Variants in DNAJC12 observed in about 807,000 individuals in gnomAD.
The protein encoded by DNAJC12 is DnaJ heat shock protein family (Hsp40) member C12, also known as dnaJ homolog subfamily C member 12.
In DNAJC12, 25 loss-of-function variants were observed where a neutral mutation model predicts 28.5. The observed-to-expected ratio is 0.88, with a 90% CI of 0.64 to 1.22. The LOEUF is 1.22. DNAJC12 is among the 50% of genes most tolerant of loss of function. DNAJC12 has a pLI of 0.00. For missense variants in DNAJC12, 222 were observed against 231.7 expected, an observed-to-expected ratio of 0.96 and a Z score of 0.27; for synonymous variants, 77 against 80.6, an observed-to-expected ratio of 0.95 and a Z score of 0.24.
intron 4 of DNAJC12, among the ~76,000 whole-genome samples, chr10:67,798,758 C>CT (rs377308990): frequency 0.1 from 13,812 of 131,944 alleles, 1,031 homozygotes; most frequent in East Asian, 0.32. Context: ...TGTGATTTTC[C>CT]TTTTTTTTTT....
intron 2 of DNAJC12, among the ~76,000 whole-genome samples, chr10:67,818,977 A>G (rs1329030313): frequency 1.3e-5 from 2 of 152,296 alleles, no homozygotes; most frequent in Non-Finnish European, 1.5e-5. Context: ...ATTTTATGCT[A>G]GGACACCTAT....
intron 4 of DNAJC12, among the ~76,000 whole-genome samples, chr10:67,799,274 T>C (rs1221411644): frequency 1.3e-5 from 2 of 152,186 alleles, no homozygotes; most frequent in Non-Finnish European, 2.9e-5. Flanking sequence ...TTAACAATGG[T>C]TATCTCAGAA....
chr10:67,814,036 CAA>C (rs34125048), intron 2 of DNAJC12, among the ~76,000 whole-genome samples: 1 of 123,178 alleles, frequency 8.1e-6, no homozygotes, highest in Non-Finnish European at 1.6e-5. Context: ...CCAGAATTGC[CAA>C]AAAAAAAAAA....
At chr10:67,834,775 C>T (rs184442893) in intron 1 of DNAJC12, among the ~76,000 whole-genome samples, 21 of 152,204 alleles carry the variant, frequency 1.4e-4, no homozygotes, top group Admixed American at 1.3e-3. Flanking sequence ...GAGCTGAGAT[C>T]CTGCCACTGC....
Position 67,802,092 on chromosome 10 carries a change from G to A in DNAJC12, c.502+3491C>T, listed in dbSNP as rs1841753107. 2.0e-5 allele frequency among the ~76,000 whole-genome samples: 3 copies of A among 151,726 alleles called. No individual in the cohort carries two copies. The South Asian group carries it at 6.3e-4, about 32-fold the overall frequency. On this transcript the variant is annotated intron_variant, in intron 4 of 4. Coordinates refer to ENST00000225171, the MANE Select transcript of DNAJC12 (RefSeq NM_021800.3). The stretch of plus-strand genomic sequence containing the variant: ...TTGCTCAAGCTGGTCTCGAACTCCT[G>A]GACTCAAGCGATCCTCCCATCTCAG...
intron 2 of DNAJC12, among the ~76,000 whole-genome samples, chr10:67,819,660 G>GAGAA (rs60688341): frequency 5.7e-4 from 20 of 34,926 alleles, no homozygotes; most frequent in South Asian, 1.0e-3. Context: ...AAGAAAGAAA[G>GAGAA]AGAAAGAAAG....
chr10:67,816,423 A>G (rs1841916712), intron 2 of DNAJC12, among the ~76,000 whole-genome samples: 1 of 152,178 alleles, frequency 6.6e-6, no homozygotes, highest in Non-Finnish European at 1.5e-5. Context: ...TGAGACATTA[A>G]AAGATGTTAG....
chr10:67,819,660 G>GAAAGAGAAAGAAAGAAAGAA (rs1280370710), intron 2 of DNAJC12, among the ~76,000 whole-genome samples: 2 of 34,942 alleles, frequency 5.7e-5, no homozygotes, highest in African/African-American at 2.5e-4. Flanking sequence ...AAGAAAGAAA[G>GAAAGAGAAAGAAAGAAAGAA]AGAAAGAAAG....
chr10:67,812,688 C>CAAA (rs1172092515), intron 2 of DNAJC12, among the ~76,000 whole-genome samples: 2 of 95,690 alleles, frequency 2.1e-5, no homozygotes, highest in East Asian at 2.5e-4. Flanking sequence ...GCTAAAAATA[C>CAAA]AAAAAAAAAA....
At chr10:67,818,239 T>C (rs976392214) in intron 2 of DNAJC12, among the ~76,000 whole-genome samples, 10 of 152,220 alleles carry the variant, frequency 6.6e-5, no homozygotes, top group African/African-American at 2.4e-4. Flanking sequence ...ATCAGTAACC[T>C]TAATCATCCA....
rs1055492167 is a variant in DNAJC12, at chr10:67,797,059, A to G, written c.*57T>C. 16 of 1,356,188 alleles carry G rather than the reference A, an allele frequency of 1.2e-5. No individual in the cohort carries two copies. Among genetic ancestry groups the G allele is most frequent in the East Asian group, 2.3e-5 (1 of 42,742 alleles). The allele number at this position is 1,356,188 out of a possible 1,614,324, so 84.0% of individuals were successfully genotyped here. ...TTTTTAAGACATAAACAAAGACTGC[A>G]TGTTGGCAGCATAGGGGACAGTCTT... On this transcript the variant is annotated 3_prime_UTR_variant, in exon 5 of 5. Transcript: ENST00000225171.
At chr10:67,816,829 G>C (rs1841921554) in intron 2 of DNAJC12, among the ~76,000 whole-genome samples, 1 of 152,134 alleles carries the variant, frequency 6.6e-6, no homozygotes, top group South Asian at 2.1e-4. Context: ...TTATAGGTGT[G>C]AGCCATCACA....
At chr10:67,808,107 C>T (rs1217665273) in intron 3 of DNAJC12, among the ~76,000 whole-genome samples, 2 of 152,292 alleles carry the variant, frequency 1.3e-5, no homozygotes, top group African/African-American at 4.8e-5. Flanking sequence ...GCATATTTCT[C>T]AACTCCACAA....
intron 2 of DNAJC12, among the ~76,000 whole-genome samples, chr10:67,821,617 C>A (rs902039443): frequency 2.6e-5 from 4 of 152,142 alleles, no homozygotes; most frequent in African/African-American, 7.2e-5. Context: ...TTAAGCTGGG[C>A]GGAACATATG....
In DNAJC12 at chr10:67,838,158, C is replaced by T. The variant is rs926403078; in HGVS notation, c.-147G>A. The T allele has an allele frequency of 1.6e-5, 9 of 567,018 alleles. No homozygotes were observed. Among genetic ancestry groups the T allele is most frequent in the African/African-American group, 1.3e-4 (7 of 52,058 alleles). The allele number at this position is 567,018 out of a possible 1,614,324, so 35.1% of individuals were successfully genotyped here. ...TTTAAGACTGGCCACAGTCAATACACCAGATGTCATCCTAGACCTTTGTAA... is the reference window on the plus strand; with the variant it reads ...TTTAAGACTGGCCACAGTCAATACATCAGATGTCATCCTAGACCTTTGTAA... On this transcript the variant is annotated 5_prime_UTR_variant, in exon 1 of 5. In the 5' UTR this introduces an upstream ATG that the reference lacks. Transcript: ENST00000225171.
chr10:67,803,386 A>T (rs1841767599), intron 4 of DNAJC12, among the ~76,000 whole-genome samples: 2 of 152,208 alleles, frequency 1.3e-5, no homozygotes, highest in Non-Finnish European at 1.5e-5. Context: ...CTGTGTTAGC[A>T]TAGAGAATAG....
At chr10:67,833,923 T>C in intron 1 of DNAJC12, 2 of 475,600 alleles carry the variant, frequency 4.2e-6, no homozygotes, top group East Asian at 6.1e-5. Flanking sequence ...TGAGGTGAGT[T>C]TGAACCCAAA....
chr10:67,826,934 GAT>G (rs34984906), intron 1 of DNAJC12, among the ~76,000 whole-genome samples: 6 of 127,768 alleles, frequency 4.7e-5, no homozygotes, highest in Admixed American at 2.7e-4. Context: ...TATATATCAT[GAT>G]ATATATAATA....
In DNAJC12 at chr10:67,797,175, G is replaced by A. The variant is rs553278077; in HGVS notation, c.538C>T (p.Arg180Cys). 57 of 1,613,482 alleles carry A rather than the reference G, an allele frequency of 3.5e-5. No individual in the cohort carries two copies. The highest frequency in any genetic ancestry group is 2.7e-4 in the East Asian group (12 of 44,834). The part of the protein sequence containing the change: ...ADVNGWHLRF[R>C]WSKDAPSELL... ...TCTGAGGGAGCATCCTTGGACCAGC[G>A]GAAACGAAGGTGCCAACCATTCACA... Residue 180 changes from arginine (R) to cysteine (C), a missense_variant, in exon 5 of 5, where the codon CGC becomes TGC. Arg to Cys is a radical substitution (Grantham distance 180). Coordinates refer to ENST00000225171, the MANE Select transcript of DNAJC12 (RefSeq NM_021800.3).
Sources: allele counts gnomAD v4.1 joint callset (sites outside exome capture counted in the v4.1 genomes callset), GRCh38; gene constraint gnomAD v4.1.1; transcripts MANE v1.5; gene names NCBI Gene and HGNC (gene_info 2026-07-23, HGNC 2026-07-21).